The following DNAJC27 variants were observed in gnomAD, a reference collection of about 807,000 sequenced individuals.
DNAJC27 encodes the protein DnaJ heat shock protein family (Hsp40) member C27, also known as dnaJ homolog subfamily C member 27.
A neutral mutation model predicts 31.4 loss-of-function variants in DNAJC27; 25 were observed. That is an observed-to-expected ratio of 0.80 (90% CI 0.58 to 1.11). The LOEUF (loss-of-function observed/expected upper bound fraction) is 1.11. Among genes scored for constraint, DNAJC27 ranks in the 50% most tolerant of loss-of-function variants. The probability of loss-of-function intolerance (pLI) is 0.00; values close to 1 mark genes in which losing one functional copy is unlikely to be tolerated. For missense variants in DNAJC27, 356 were observed against 347.3 expected, an observed-to-expected ratio of 1.02 and a Z score of -0.20; for synonymous variants, 106 against 112.7, an observed-to-expected ratio of 0.94 and a Z score of 0.37.
In DNAJC27 at chr2:24,971,913, C is replaced by A. The variant is rs1285950004; in HGVS notation, c.-9G>T. The stretch of plus-strand genomic sequence containing the variant: ...GGCATGTTGGCCTCCATGGCCCTGG[C>A]TCTCTCGGGGCCACCCGCCTCGGTC... On this transcript the variant is annotated 5_prime_UTR_variant, in exon 1 of 7. Transcript: ENST00000264711. 1 of 1,576,756 alleles carries A rather than the reference C, an allele frequency of 6.3e-7. No homozygotes were observed. Among genetic ancestry groups the A allele is most frequent in the Non-Finnish European group, 8.6e-7 (1 of 1,164,208 alleles).
rs533594381 is a variant in DNAJC27, at chr2:24,967,246, G to A, written c.135C>T (p.Tyr45=). ...CATAGTCAATTCCAATTGTTGCCAG[G>A]TATTTAGACACGAATCTTTTCTCAC... ...RYCEKRFVSK[Y]LATIGIDYGV... Residue 45 remains tyrosine (Y), a synonymous_variant, in exon 2 of 7, where the codon TAC becomes TAT. Transcript: ENST00000264711. 4 of 1,613,802 alleles carry A rather than the reference G, an allele frequency of 2.5e-6. No homozygotes were observed. Among genetic ancestry groups the A allele is most frequent in the South Asian group, 1.1e-5 (1 of 91,062 alleles).
At chr2:24,963,589 T>C (rs1666104595) in intron 2 of DNAJC27, 115 bp from the exon 3 acceptor site, 1 of 718,376 alleles carries the variant, frequency 1.4e-6, no homozygotes, top group Non-Finnish European at 2.3e-6. Context: ...GCTTTCTTAG[T>C]GCCTCTTCCT....
Position 24,957,185 on chromosome 2 carries a change from G to A in DNAJC27, c.406-20C>T, listed in dbSNP as rs878951474. ...ATCAATCTGAAATAGAAGGGGCGGG[G>A]GACAGAGAGAAGATTACAATCTTGT... is the stretch of plus-strand genomic sequence containing the variant. On this transcript the variant is annotated intron_variant, in intron 4 of 6. Coordinates refer to ENST00000264711, the MANE Select transcript of DNAJC27 (RefSeq NM_016544.3). 2 of 1,570,994 alleles carry A rather than the reference G, an allele frequency of 1.3e-6. No homozygotes were observed. Among genetic ancestry groups the A allele is most frequent in the African/African-American group, 2.8e-5 (2 of 72,102 alleles).
chr2:24,962,853 G>C (rs1666082625), intron 3 of DNAJC27, among the ~76,000 whole-genome samples: 1 of 151,988 alleles, frequency 6.6e-6, no homozygotes, highest in South Asian at 2.1e-4. Context: ...GGCCAAACCA[G>C]AAAAGAGCAA....
chr2:24,972,046 G>A (rs1180229015), upstream of DNAJC27: 4 of 608,126 alleles, frequency 6.6e-6, no homozygotes, highest in East Asian at 3.5e-5. Flanking sequence ...GCCGCTGCCT[G>A]GCAGCAGGCG....
intron 5 of DNAJC27, among the ~76,000 whole-genome samples, chr2:24,956,214 A>C (rs1665900934): frequency 6.6e-6 from 1 of 152,268 alleles, no homozygotes; most frequent in South Asian, 2.1e-4. Context: ...TTATAGTGTA[A>C]CTACTTTATT....
At chr2:24,965,511 C>T (rs984046412) in intron 2 of DNAJC27, among the ~76,000 whole-genome samples, 16 of 152,122 alleles carry the variant, frequency 1.1e-4, no homozygotes, top group African/African-American at 3.9e-4. Flanking sequence ...CTGCCTTGGC[C>T]TCCCAAAGTG....
At chr2:24,962,151 T>C (rs985864539) in intron 3 of DNAJC27, among the ~76,000 whole-genome samples, 6 of 151,514 alleles carry the variant, frequency 4.0e-5, no homozygotes, top group African/African-American at 1.5e-4. Context: ...AAACTAGAAA[T>C]CAGTAACAGA....
At position 24,957,833 on chromosome 2, in the gene DNAJC27, T is replaced by C; in HGVS notation, c.382A>G (p.Ile128Val). The part of the protein sequence containing the change: ...LGPHGNMENI[I>V]FVVCANKIDC... The stretch of plus-strand genomic sequence containing the variant: ...ACCTTGTTGGCACAAACTACAAATA[T>C]AATATTTTCCATGTTTCCATGAGGT... Residue 128 changes from isoleucine (I) to valine (V), a missense_variant, in exon 4 of 7, where the codon ATA becomes GTA. Ile to Val is a conservative substitution (Grantham distance 29). Transcript: ENST00000264711. The C allele has an allele frequency of 1.9e-6, 3 of 1,614,144 alleles. No homozygotes were observed. Among genetic ancestry groups the C allele is most frequent in the Non-Finnish European group, 1.7e-6 (2 of 1,179,992 alleles).
rs149300945 is a variant in DNAJC27 at position 24,951,182 on chromosome 2, C to T, written c.689+212G>A. Among the ~76,000 whole-genome samples the T allele has an allele frequency of 2.4e-3, 371 of 152,366 alleles. 1 individual carries two copies. Among genetic ancestry groups the T allele is most frequent in the African/African-American group, 8.3e-3 (347 of 41,588 alleles). The stretch of plus-strand genomic sequence containing the variant: ...TACCATTTCATGAAGTATTTATGCA[C>T]GTACACGACACAGTTTTCTCACCAG... On this transcript the variant is annotated intron_variant, in intron 6 of 6. Coordinates refer to ENST00000264711, the MANE Select transcript of DNAJC27 (RefSeq NM_016544.3).
At position 24,971,819 on chromosome 2, in the gene DNAJC27, T is replaced by C. The variant is rs1200369237; in HGVS notation, c.86A>G (p.Lys29Arg). The change falls in exon 1 of 7, where the codon AAA becomes AGA. Residue 29 changes from lysine to arginine, a missense_variant and splice_region_variant. Lys to Arg is a conservative substitution (Grantham distance 26, BLOSUM62 2). Transcript: ENST00000264711. ...VISMGNAEVGKSCIIKRYCEK... is the reference protein window; with the variant it reads ...VISMGNAEVGRSCIIKRYCEK... ...CCCCTCCCGGCTCGCTGTACTCACT[T>C]TCCCCACTTCGGCGTTGCCCATGGA... 1 of 1,607,896 alleles carries C rather than the reference T, an allele frequency of 6.2e-7. No homozygotes were observed. The highest frequency in any genetic ancestry group is 1.7e-5 in the Admixed American group (1 of 59,330).
chr2:24,971,681 C>T (rs1304285967), intron 1 of DNAJC27, 137 bp downstream of exon 1: 5 of 656,944 alleles, frequency 7.6e-6, no homozygotes, highest in South Asian at 2.1e-5. Flanking sequence ...CGGAGCCGCA[C>T]CCCTCGGCTG....
intron 6 of DNAJC27, among the ~76,000 whole-genome samples, chr2:24,948,661 C>G (rs927791597): frequency 1.3e-5 from 2 of 152,192 alleles, no homozygotes; most frequent in African/African-American, 4.8e-5. Flanking sequence ...CAGGAGAGAG[C>G]TGCAGGCTTC....
At chr2:24,966,660 T>G (rs563212298) in intron 2 of DNAJC27, among the ~76,000 whole-genome samples, 19 of 152,276 alleles carry the variant, frequency 1.2e-4, no homozygotes, top group African/African-American at 4.6e-4. Flanking sequence ...GGTTTCACTG[T>G]GTTGGTCAGG....
intron 3 of DNAJC27, among the ~76,000 whole-genome samples, chr2:24,960,812 C>T (rs142174380): frequency 9.2e-4 from 140 of 152,330 alleles, no homozygotes; most frequent in Middle Eastern, 3.4e-3. Context: ...CAGAAGCTAG[C>T]AGTTGTTGGT....
intron 2 of DNAJC27, among the ~76,000 whole-genome samples, chr2:24,964,288 G>A (rs1346675348): frequency 1.3e-5 from 2 of 151,918 alleles, no homozygotes; most frequent in African/African-American, 4.8e-5. Context: ...CGGGCGTGGT[G>A]GTGGGCACCT....
intron 5 of DNAJC27, among the ~76,000 whole-genome samples, chr2:24,954,104 G>C (rs1467207300): frequency 6.6e-6 from 1 of 152,168 alleles, no homozygotes; most frequent in Non-Finnish European, 1.5e-5. Context: ...AGACTCTGCA[G>C]AGCAGGCCAT....
rs1035583253 is a variant in DNAJC27, at chr2:24,963,351, TC to T, written c.240+53del. ...GTTGTTTCATATAATTCTGGATCTC[TC>T]CCCAAACCACCAACAATACTGGATA... On this transcript the variant is annotated intron_variant, in intron 3 of 6. Coordinates refer to ENST00000264711, the MANE Select transcript of DNAJC27 (RefSeq NM_016544.3). 2.0e-5 allele frequency: 29 copies of T among 1,427,830 alleles called. No homozygotes were observed. In the African/African-American group the frequency reaches 3.1e-4, roughly 15 times the overall value. 88.4% of individuals were successfully genotyped at this position (1,427,830 alleles called of 1,614,324 possible).
At position 24,971,914 on chromosome 2, in the gene DNAJC27, T is replaced by A; in HGVS notation, c.-10A>T. Reference sequence around the variant, plus strand: ...GCATGTTGGCCTCCATGGCCCTGGCTCTCTCGGGGCCACCCGCCTCGGTCT... The same window carrying A: ...GCATGTTGGCCTCCATGGCCCTGGCACTCTCGGGGCCACCCGCCTCGGTCT... On this transcript the variant is annotated 5_prime_UTR_variant, in exon 1 of 7. Transcript: ENST00000264711. 1.3e-6 allele frequency: 2 copies of A among 1,573,472 alleles called. No homozygotes were observed. Among genetic ancestry groups the A allele is most frequent in the Non-Finnish European group, 1.7e-6 (2 of 1,162,532 alleles).
Sources: allele counts gnomAD v4.1 joint callset (sites outside exome capture counted in the v4.1 genomes callset), GRCh38; gene constraint gnomAD v4.1.1; transcripts MANE v1.5; gene names NCBI Gene and HGNC (gene_info 2026-07-23, HGNC 2026-07-21).